The following CDC14B variants were observed in gnomAD, a reference collection of about 807,000 sequenced individuals.
CDC14B encodes cell division cycle 14B, also known as dual specificity protein phosphatase CDC14B.
CDC14B carries 22 observed loss-of-function variants against 64.2 expected under a neutral mutation model. The observed-to-expected ratio is 0.34, with a 90% CI of 0.24 to 0.49. The LOEUF is 0.49. Ranked by LOEUF, CDC14B falls within the 20% of genes least tolerant of loss-of-function variation. The pLI, the probability that CDC14B is intolerant of heterozygous loss-of-function variation, is 0.99. For synonymous variants in CDC14B, 191 were observed against 215.8 expected, an observed-to-expected ratio of 0.89 and a Z score of 1.01; for missense variants, 498 against 629.9, an observed-to-expected ratio of 0.79 and a Z score of 2.24.
At chr9:96,535,944 T>C (rs564962326) in intron 7 of CDC14B, among the ~76,000 whole-genome samples, 2 of 152,326 alleles carry the variant, frequency 1.3e-5, no homozygotes, top group African/African-American at 4.8e-5. Context: ...AAAGCAGGAA[T>C]GAGGGCAGCT....
At chr9:96,579,989 TAAA>T (rs1373140943) in intron 1 of CDC14B, among the ~76,000 whole-genome samples, 1 of 151,990 alleles carries the variant, frequency 6.6e-6, no homozygotes, top group East Asian at 1.9e-4. Flanking sequence ...TATATATAAA[TAAA>T]AAACTATTTC....
At chr9:96,529,701 C>T (rs897181639) in intron 9 of CDC14B, among the ~76,000 whole-genome samples, 2 of 151,922 alleles carry the variant, frequency 1.3e-5, no homozygotes, top group Non-Finnish European at 2.9e-5. Flanking sequence ...CCATGCTGTC[C>T]AGGGTGGTCT....
intron 9 of CDC14B, among the ~76,000 whole-genome samples, chr9:96,528,024 C>A (rs1837850336): frequency 1.3e-5 from 2 of 152,222 alleles, no homozygotes; most frequent in Admixed American, 6.5e-5. Flanking sequence ...TGGATTCATA[C>A]AATATCTGTC....
At chr9:96,537,475 C>T (rs1471870973) in intron 7 of CDC14B, among the ~76,000 whole-genome samples, 1 of 152,164 alleles carries the variant, frequency 6.6e-6, no homozygotes, top group Non-Finnish European at 1.5e-5. Context: ...GAGATGGGCA[C>T]ATGACGTAAG....
In CDC14B at chr9:96,564,796, T is replaced by C. The variant is rs772542592; in HGVS notation, c.308A>G (p.Lys103Arg). The C allele has an allele frequency of 3.1e-6, 5 of 1,599,970 alleles. No homozygotes were observed. In the South Asian group the frequency reaches 5.6e-5, roughly 18 times the overall value. Residue 103 changes from lysine to arginine, a missense_variant, in exon 3 of 14, where the codon AAG becomes AGG. Physicochemically the swap from Lys to Arg is conservative, Grantham distance 26 (BLOSUM62 2). Coordinates refer to ENST00000375241, the MANE Select transcript of CDC14B (RefSeq NM_033331.4). ...NLAMVYRYCC[K>R]INKKLKSITM... Reference sequence around the variant, plus strand: ...CTTTACCTTTAATTTCTTATTGATCTTGCAACAATATCTGTAAACCATTGC... The same window carrying C: ...CTTTACCTTTAATTTCTTATTGATCCTGCAACAATATCTGTAAACCATTGC...
intron 13 of CDC14B, 38 bp downstream of exon 13, chr9:96,509,635 G>A (rs750967563): frequency 4.3e-5 from 55 of 1,268,148 alleles, no homozygotes; most frequent in Admixed American, 6.8e-5. Flanking sequence ...GAAAACAAAC[G>A]CTTGCAACTT....
rs891155614 is a variant in CDC14B, at chr9:96,566,681, T to C, written c.161-1198A>G. ...AGACAAGGGCGGCCGGGGCCCAGAC[T>C]AGGGGCACCTCCAAGCCAGCACTGC... On this transcript the variant is annotated intron_variant, in intron 1 of 13. Coordinates refer to ENST00000375241, the MANE Select transcript of CDC14B (RefSeq NM_033331.4). 6.0e-6 allele frequency: 8 copies of C among 1,327,686 alleles called. No individual in the cohort carries two copies. In the African/African-American group the frequency reaches 7.3e-5, roughly 12 times the overall value. The allele number at this position is 1,327,686 out of a possible 1,614,324, so 82.2% of individuals were successfully genotyped here.
chr9:96,522,269 A>G (rs1297720763), intron 12 of CDC14B, among the ~76,000 whole-genome samples: 1 of 152,208 alleles, frequency 6.6e-6, no homozygotes, highest in Non-Finnish European at 1.5e-5. Context: ...TTCATGGAGA[A>G]AAAGTATCCC....
At chr9:96,505,125 G>A (rs1833941680) in intron 13 of CDC14B, among the ~76,000 whole-genome samples, 2 of 151,668 alleles carry the variant, frequency 1.3e-5, no homozygotes, top group East Asian at 1.9e-4. Flanking sequence ...AGGTTGTAGT[G>A]AGCCAAGATC....
At chr9:96,497,513 C>T (rs1267092716), downstream of CDC14B, among the ~76,000 whole-genome samples, 2 of 152,086 alleles carry the variant, frequency 1.3e-5, no homozygotes, top group Middle Eastern at 3.4e-3. Flanking sequence ...AAAGCTAGGA[C>T]GACATAATAC....
At chr9:96,529,353 T>C (rs928499701) in intron 9 of CDC14B, among the ~76,000 whole-genome samples, 4 of 152,172 alleles carry the variant, frequency 2.6e-5, no homozygotes, top group Non-Finnish European at 4.4e-5. Flanking sequence ...CATTGAGTGG[T>C]TTCTGTATCC....
At chr9:96,611,945 C>T (rs1366294182) in intron 1 of CDC14B, among the ~76,000 whole-genome samples, 2 of 152,134 alleles carry the variant, frequency 1.3e-5, no homozygotes, top group African/African-American at 4.8e-5. Flanking sequence ...GTAGAGGGGT[C>T]TCCCATCTTT....
chr9:96,611,117 G>C (rs1159754764), intron 1 of CDC14B, among the ~76,000 whole-genome samples: 4 of 151,326 alleles, frequency 2.6e-5, no homozygotes, highest in Admixed American at 2.6e-4. Context: ...AGAGAGAAAA[G>C]GGCGTAAAAC....
intron 1 of CDC14B, among the ~76,000 whole-genome samples, chr9:96,615,388 A>G (rs981519153): frequency 6.6e-6 from 1 of 152,218 alleles, no homozygotes; most frequent in Non-Finnish European, 1.5e-5. Context: ...TGACAGGAAC[A>G]AAAATAGGGA....
intron 13 of CDC14B, among the ~76,000 whole-genome samples, chr9:96,504,131 C>G (rs1833811325): frequency 6.6e-6 from 1 of 152,202 alleles, no homozygotes; most frequent in South Asian, 2.1e-4. Flanking sequence ...CTGCAAAGCA[C>G]TCCTTGTCCT....
chr9:96,515,451 CCT>C lies in CDC14B; in HGVS notation c.1344-5664_1344-5663del, dbSNP rs1351006481. On this transcript the variant is annotated intron_variant, in intron 12 of 13. Transcript: ENST00000375241. This position sits in a 1 kb window ranked among gnomAD's most constrained non-coding sequence, Gnocchi z 4.3. ...AAACAACGTATGTTACTTTCAATAT[CCT>C]TTCTATGAGAGGAACAGTGAAGCCC... Among the ~76,000 whole-genome samples, 1 of 152,176 alleles carries C rather than the reference CCT, an allele frequency of 6.6e-6. No individual in the cohort carries two copies. Among genetic ancestry groups the C allele is most frequent in the Non-Finnish European group, 1.5e-5 (1 of 68,028 alleles).
intron 4 of CDC14B, among the ~76,000 whole-genome samples, chr9:96,553,594 CAG>C: frequency 6.6e-6 from 1 of 152,018 alleles, no homozygotes; most frequent in East Asian, 1.9e-4. Flanking sequence ...CTCCTGACTT[CAG>C]GTGATCCGCC....
chr9:96,547,722 G>T (rs1841164819), intron 5 of CDC14B, among the ~76,000 whole-genome samples: 1 of 152,114 alleles, frequency 6.6e-6, no homozygotes, highest in Non-Finnish European at 1.5e-5. Context: ...CGAAGTGCTG[G>T]AATTATAGGC....
At chr9:96,549,813 A>C (rs1841542468) in intron 5 of CDC14B, among the ~76,000 whole-genome samples, 1 of 152,256 alleles carries the variant, frequency 6.6e-6, no homozygotes, top group Non-Finnish European at 1.5e-5. Context: ...ACCAAAAGGA[A>C]CTAACTTCAT....
Sources: gnomAD v4.1 joint callset for allele counts (sites outside exome capture counted in the v4.1 genomes callset) on GRCh38, gnomAD v4.1.1 for gene constraint, Gnocchi (gnomAD v3.1) non-coding constraint, MANE v1.5 for transcripts, NCBI Gene and HGNC (gene_info 2026-07-23, HGNC 2026-07-21) for gene names.